Variants in ZFP1 observed in about 807,000 individuals in gnomAD.
ZFP1 encodes the protein zinc finger protein 1 homolog.
ZFP1 carries 32 observed loss-of-function variants against 38.5 expected under a neutral mutation model. That is an observed-to-expected ratio of 0.83 (90% CI 0.63 to 1.12). The LOEUF (loss-of-function observed/expected upper bound fraction) is 1.12, where lower values mean the gene tolerates loss of function less well. ZFP1 is among the 50% of genes most tolerant of loss of function. The pLI is 0.00. For synonymous variants in ZFP1, 245 were observed against 168.8 expected, an observed-to-expected ratio of 1.45 and a Z score of -3.50; for missense variants, 616 against 480.8, an observed-to-expected ratio of 1.28 and a Z score of -2.63.
the ZFP1 span, among the ~76,000 whole-genome samples, chr16:75,127,255 C>T: frequency 8.5e-4 from 130 of 152,216 alleles, 1 homozygote; most frequent in African/African-American, 3.1e-3. Context: ...AACAGGTGCT[C>T]TTTTTTTGGG....
the ZFP1 span, among the ~76,000 whole-genome samples, chr16:75,124,075 C>G: frequency 6.6e-6 from 1 of 151,546 alleles, no homozygotes. Context: ...GCCTGGGTGA[C>G]AAAGTGAGAC....
chr16:75,164,909 G>C (rs1003522972), intron 2 of ZFP1, among the ~76,000 whole-genome samples: 4 of 151,930 alleles, frequency 2.6e-5, no homozygotes, highest in African/African-American at 9.7e-5. Context: ...GGGTTCAAGC[G>C]ATTCTCCTGC....
In ZFP1 at chr16:75,162,842, A is replaced by C. The variant is rs186087919; in HGVS notation, c.16-3928A>C. ...ATGTTGCTGCAAAGGATATGATTTCATTCTTTTATATGGCTGTGGTTTTAA... is the reference window on the plus strand; with the variant it reads ...ATGTTGCTGCAAAGGATATGATTTCCTTCTTTTATATGGCTGTGGTTTTAA... On this transcript the variant is annotated intron_variant, in intron 2 of 3. Coordinates refer to ENST00000570010, the MANE Select transcript of ZFP1 (RefSeq NM_153688.4). Among the ~76,000 whole-genome samples the C allele has an allele frequency of 2.4e-3, 363 of 152,036 alleles. 12 individuals are homozygous for C. Among genetic ancestry groups the C allele is most frequent in the Admixed American group, 0.021 (323 of 15,264 alleles).
At chr16:75,155,978 G>A (rs2037450466) in intron 2 of ZFP1, among the ~76,000 whole-genome samples, 1 of 151,926 alleles carries the variant, frequency 6.6e-6, no homozygotes, top group Non-Finnish European at 1.5e-5. Context: ...TGCATCCGTG[G>A]GCCCTTTGCC....
the ZFP1 span, chr16:75,132,444 T>A: frequency 6.6e-6 from 1 of 152,250 alleles, no homozygotes; most frequent in South Asian, 2.1e-4. Flanking sequence ...TTTGGGTGAT[T>A]GCATCCTTGT....
the ZFP1 span, among the ~76,000 whole-genome samples, chr16:75,120,918 C>T: frequency 6.6e-6 from 1 of 152,134 alleles, no homozygotes; most frequent in Non-Finnish European, 1.5e-5. Context: ...AGCCACTGCA[C>T]CCAGCCTACC....
rs766950797 is a variant in ZFP1 at position 75,169,704 on chromosome 16, C to G, written c.594C>G (p.Leu198=). 3 of 1,612,610 alleles carry G rather than the reference C, an allele frequency of 1.9e-6. No homozygotes were observed. Among genetic ancestry groups the G allele is most frequent in the African/African-American group, 2.7e-5 (2 of 74,804 alleles). Residue 198 remains leucine, a synonymous_variant, in exon 4 of 4, where the codon CTC becomes CTG. Transcript: ENST00000570010. ...YCDKAFSFKS[L]LISHKRIHTG... Reference sequence around the variant, plus strand: ...ACAAGGCTTTCTCCTTTAAGTCACTCCTCATTAGTCATAAGAGAATACATA... The same window carrying G: ...ACAAGGCTTTCTCCTTTAAGTCACTGCTCATTAGTCATAAGAGAATACATA...
chr16:75,141,742 T>TA, the ZFP1 span, among the ~76,000 whole-genome samples: 105 of 144,402 alleles, frequency 7.3e-4, 1 homozygote, highest in East Asian at 5.8e-3. Context: ...CAAATTAATT[T>TA]AAAAAAAAAA....
At chr16:75,121,648 G>A in the ZFP1 span, among the ~76,000 whole-genome samples, 31 of 152,216 alleles carry the variant, frequency 2.0e-4, no homozygotes, top group East Asian at 2.7e-3. Context: ...ACTTCTATCA[G>A]CATGCCTAAT....
At chr16:75,129,038 C>T in the ZFP1 span, among the ~76,000 whole-genome samples, 2 of 152,210 alleles carry the variant, frequency 1.3e-5, no homozygotes, top group East Asian at 3.8e-4. Context: ...GATCCGCCTG[C>T]CTCAGCCTCC....
chr16:75,168,831 C>G (rs1227823788), intron 3 of ZFP1, among the ~76,000 whole-genome samples: 6 of 152,122 alleles, frequency 3.9e-5, no homozygotes, highest in East Asian at 1.9e-4. Context: ...TACTATTAGT[C>G]GAGATCTGCT....
At chr16:75,166,199 A>C (rs2038072526) in intron 2 of ZFP1, among the ~76,000 whole-genome samples, 1 of 152,200 alleles carries the variant, frequency 6.6e-6, no homozygotes, top group Admixed American at 6.5e-5. Context: ...ATGAATATCT[A>C]ATGTGCTTGT....
At chr16:75,130,558 C>A in the ZFP1 span, among the ~76,000 whole-genome samples, 12 of 152,276 alleles carry the variant, frequency 7.9e-5, no homozygotes, top group East Asian at 2.1e-3. Context: ...GCTCAGTCAC[C>A]CAACTCCTGA....
Position 75,171,786 on chromosome 16 carries a change from A to G in ZFP1, c.*1452A>G, listed in dbSNP as rs563021942. 6.6e-6 allele frequency: 1 copy of G among 152,328 alleles called. No individual in the cohort carries two copies. The highest frequency in any genetic ancestry group is 1.5e-5 in the Non-Finnish European group (1 of 68,026). 9.4% of individuals were successfully genotyped at this position (152,328 alleles called of 1,614,324 possible). A position where few individuals can be genotyped will look rare whatever the true frequency, so the allele number is the denominator to read the frequency against. Reference sequence around the variant, plus strand: ...TTATCCAGAACATCCATAGCCCAATAAGCTTTTGTCTAAGTTGTCATCTTA... The same window carrying G: ...TTATCCAGAACATCCATAGCCCAATGAGCTTTTGTCTAAGTTGTCATCTTA... On this transcript the variant is annotated 3_prime_UTR_variant, in exon 4 of 4. Transcript: ENST00000570010.
chr16:75,136,572 C>G, the ZFP1 span, among the ~76,000 whole-genome samples: 4 of 152,064 alleles, frequency 2.6e-5, no homozygotes, highest in African/African-American at 9.7e-5. Context: ...ACATATAGAA[C>G]TATTTATAGA....
At chr16:75,134,430 C>T in the ZFP1 span, among the ~76,000 whole-genome samples, 2 of 151,832 alleles carry the variant, frequency 1.3e-5, no homozygotes, top group Non-Finnish European at 2.9e-5. Flanking sequence ...CATCAATAGC[C>T]AGATCCCATC....
At chr16:75,159,420 T>G (rs1235246083) in intron 2 of ZFP1, among the ~76,000 whole-genome samples, 1 of 141,504 alleles carries the variant, frequency 7.1e-6, no homozygotes, top group African/African-American at 2.6e-5. Flanking sequence ...TTTTTTTTTT[T>G]TTTTTTTTGA....
chr16:75,160,694 C>T (rs1256308251), intron 2 of ZFP1, among the ~76,000 whole-genome samples: 1 of 151,214 alleles, frequency 6.6e-6, no homozygotes, highest in African/African-American at 2.4e-5. Flanking sequence ...TTTATTTTCT[C>T]ACAGTTCTAG....
chr16:75,149,619 G>T (rs1016450802), intron 1 of ZFP1, among the ~76,000 whole-genome samples: 1 of 140,298 alleles, frequency 7.1e-6, no homozygotes, highest in East Asian at 2.0e-4. Flanking sequence ...GAGTGCAGTG[G>T]CTTGATCTCG....
Sources: allele counts gnomAD v4.1 joint callset (sites outside exome capture counted in the v4.1 genomes callset), GRCh38; gene constraint gnomAD v4.1.1; transcripts MANE v1.5; gene names NCBI Gene and HGNC (gene_info 2026-07-23, HGNC 2026-07-21).